PPP6R2: variants seen among roughly 807,000 people sequenced by gnomAD.
The protein encoded by PPP6R2 is protein phosphatase 6 regulatory subunit 2, also known as serine/threonine-protein phosphatase 6 regulatory subunit 2.
In PPP6R2, 62 loss-of-function variants were observed where a neutral mutation model predicts 100.2. The observed-to-expected ratio is 0.62, with a 90% CI of 0.50 to 0.76. PPP6R2 has a LOEUF of 0.76. Ranked by LOEUF, PPP6R2 falls within the 30% of genes least tolerant of loss-of-function variation. PPP6R2 has a pLI of 0.00. For synonymous variants in PPP6R2, 525 were observed against 514.7 expected (o/e 1.02, Z -0.27); for missense variants, 1,142 against 1,276.3 (o/e 0.89, Z 1.60).
In PPP6R2 at chr22:50,440,949, G is replaced by C. The variant is rs143540978; in HGVS notation, c.2502G>C (p.Met834Ile). The change falls in exon 22 of 24, where the codon ATG (methionine) becomes ATC (isoleucine). Residue 834 changes from methionine (M) to isoleucine (I), a missense_variant. Met to Ile is a conservative substitution (Grantham distance 10). This residue lies in a region of PPP6R2 where 550 missense variants were observed against 517.4 expected (regional missense o/e 1.06). Coordinates refer to ENST00000612753, the MANE Select transcript of PPP6R2 (RefSeq NM_001242898.2). ...EDGDQKAASA[M>I]DAVSRGPGRE... ...GCGACCAGAAGGCAGCGAGTGCCATGGATGCGGTGAGCAGGGGTCCCGGCC... is the reference window on the plus strand; with the variant it reads ...GCGACCAGAAGGCAGCGAGTGCCATCGATGCGGTGAGCAGGGGTCCCGGCC... 1.6e-4 allele frequency: 252 copies of C among 1,613,468 alleles called. 1 individual carries two copies. The African/African-American group carries it at 2.9e-3, about 19-fold the overall frequency.
At chr22:50,441,212 C>T (rs374626952) in intron 22 of PPP6R2, 186 bp downstream of exon 22, 48 of 590,930 alleles carry the variant, frequency 8.1e-5, no homozygotes, top group East Asian at 3.9e-4. Flanking sequence ...CACGCGTTTA[C>T]GTGGAGGCCA....
intron 2 of PPP6R2, among the ~76,000 whole-genome samples, chr22:50,377,047 G>T (rs1371715092): frequency 1.3e-5 from 2 of 152,014 alleles, no homozygotes; most frequent in East Asian, 1.9e-4. Flanking sequence ...AAAATAAAAA[G>T]AAATAAATAT....
chr22:50,331,845 C>A, the PPP6R2 span, among the ~76,000 whole-genome samples: 1 of 152,204 alleles, frequency 6.6e-6, no homozygotes, highest in Admixed American at 6.5e-5. Context: ...TGGTCTTGAA[C>A]TCCTGACCTT....
At chr22:50,428,905 A>G (rs1483472334) in intron 10 of PPP6R2, among the ~76,000 whole-genome samples, 1 of 152,212 alleles carries the variant, frequency 6.6e-6, no homozygotes, top group Non-Finnish European at 1.5e-5. Context: ...TCCTGATCTT[A>G]GAGAAGCTTT....
intron 1 of PPP6R2, among the ~76,000 whole-genome samples, chr22:50,354,150 C>A (rs151139695): frequency 6.6e-6 from 1 of 151,646 alleles, no homozygotes; most frequent in Non-Finnish European, 1.5e-5. Context: ...ACTAAAAATA[C>A]AAAAATTAGC....
At chr22:50,331,450 A>G in the PPP6R2 span, among the ~76,000 whole-genome samples, 1 of 151,580 alleles carries the variant, frequency 6.6e-6, no homozygotes, top group African/African-American at 2.4e-5. Flanking sequence ...ATCCTCCCCA[A>G]CGCTTAGTAT....
Position 50,370,074 on chromosome 22 carries a change from A to C in PPP6R2, c.-147-1946A>C, listed in dbSNP as rs546166255. Among the ~76,000 whole-genome samples the C allele has an allele frequency of 3.9e-5, 6 of 151,910 alleles. No homozygotes were observed. In the South Asian group the frequency reaches 1.2e-3, roughly 32 times the overall value. On this transcript the variant is annotated intron_variant, in intron 1 of 23. Transcript: ENST00000612753. ...TTTTTGATTTGTATATAAAATGTAA[A>C]AATATGCAAAAGTAGAGAAAACATA...
At chr22:50,397,623 G>C (rs1352315558) in intron 3 of PPP6R2, among the ~76,000 whole-genome samples, 44 of 127,314 alleles carry the variant, frequency 3.5e-4, no homozygotes, top group African/African-American at 7.4e-4. Flanking sequence ...GGGCAGGGGG[G>C]CCTGTCCTCA....
chr22:50,439,917 C>CT, intron 20 of PPP6R2, 44 bp from the exon 21 acceptor site: 1 of 1,607,578 alleles, frequency 6.2e-7, no homozygotes, highest in East Asian at 2.2e-5. Context: ...GGCCAGGAGG[C>CT]ACCTGTCCCC....
chr22:50,426,248 C>A (rs2062110251), intron 10 of PPP6R2, among the ~76,000 whole-genome samples: 1 of 152,192 alleles, frequency 6.6e-6, no homozygotes, highest in South Asian at 2.1e-4. Flanking sequence ...CCACCAGCCA[C>A]CCAGCCTTTA....
chr22:50,418,718 T>A (rs2060890512), intron 6 of PPP6R2, 149 bp from the exon 7 acceptor site: 3 of 608,420 alleles, frequency 4.9e-6, no homozygotes. Context: ...AAAGAAAAAG[T>A]ATTTGAACAT....
In PPP6R2 at chr22:50,418,908, G is replaced by T. The variant is rs920219022; in HGVS notation, c.660G>T (p.Arg220Ser). 2.5e-6 allele frequency: 4 copies of T among 1,613,826 alleles called. No homozygotes were observed. The highest frequency in any genetic ancestry group is 3.3e-5 in the Admixed American group (2 of 59,974). Residue 220 changes from arginine (R) to serine (S), a missense_variant, in exon 7 of 24, where the codon AGG (arginine) becomes AGT (serine). Arg to Ser is a moderately radical substitution (Grantham distance 110). This residue lies in a region of PPP6R2 where 592 missense variants were observed against 758.9 expected (regional missense o/e 0.78). Coordinates refer to ENST00000612753, the MANE Select transcript of PPP6R2 (RefSeq NM_001242898.2). ...NASQTLCDIVRLGRDQGSQLQ... is the reference protein window; with the variant it reads ...NASQTLCDIVSLGRDQGSQLQ... ...CTCAGACTCTCTGTGACATAGTTAG[G>T]CTGGGCAGAGACCAGGGCAGTCAGC...
At chr22:50,356,245 C>T (rs940330922) in intron 1 of PPP6R2, among the ~76,000 whole-genome samples, 20 of 151,380 alleles carry the variant, frequency 1.3e-4, no homozygotes, top group African/African-American at 4.4e-4. Flanking sequence ...ATTACAGGTG[C>T]GAGCCACCAC....
Position 50,380,938 on chromosome 22 carries a change from G to T in PPP6R2, c.-17+8788G>T, listed in dbSNP as rs538875203. 5.8e-4 allele frequency among the ~76,000 whole-genome samples: 86 copies of T among 147,276 alleles called. 2 individuals carry two copies. In the South Asian group the frequency reaches 0.018, roughly 31 times the overall value. On this transcript the variant is annotated intron_variant, in intron 2 of 23. Transcript: ENST00000612753. ...CAGGAGGCGGAGCTTGCAGTGAGCC[G>T]AGATTACGCCACTGCACTCCAGCCT...
At chr22:50,368,420 T>TGAAG (rs1197963334) in intron 1 of PPP6R2, among the ~76,000 whole-genome samples, 2 of 152,218 alleles carry the variant, frequency 1.3e-5, no homozygotes, top group Non-Finnish European at 2.9e-5. Flanking sequence ...CACTCTTGTC[T>TGAAG]TCTGGTCACT....
Position 50,441,221 on chromosome 22 carries a change from C to T in PPP6R2, c.2579+195C>T, listed in dbSNP as rs769412355. ...GGTGCCCACGCGTTTACGTGGAGGC[C>T]AGATGGGAGAAGTGTGGGGCCTTCT... On this transcript the variant is annotated intron_variant, in intron 22 of 23. Transcript: ENST00000612753. 52 of 584,024 alleles carry T rather than the reference C, an allele frequency of 8.9e-5. No homozygotes were observed. In the East Asian group the frequency reaches 1.1e-3, roughly 13 times the overall value. The allele number at this position is 584,024 out of a possible 1,614,324, so 36.2% of individuals were successfully genotyped here.
At position 50,422,326 on chromosome 22, in the gene PPP6R2, C is replaced by A. The variant is rs565668563; in HGVS notation, c.918C>A (p.His306Gln). Residue 306 changes from histidine (H) to glutamine (Q), a missense_variant, in exon 9 of 24, where the codon CAC becomes CAA. Physicochemically the swap from His to Gln is conservative, Grantham distance 24. Coordinates refer to ENST00000612753, the MANE Select transcript of PPP6R2 (RefSeq NM_001242898.2). ...RSYAVSSSVL[H>Q]GIEPRLKDFH... ...ACGCTGTCAGCAGCAGCGTACTACA[C>A]GGCATCGAGCCTCGGCTGAAGGACT... 3 of 1,614,104 alleles carry A rather than the reference C, an allele frequency of 1.9e-6. No homozygotes were observed. In the East Asian group the frequency reaches 6.7e-5, roughly 36 times the overall value.
upstream of PPP6R2, among the ~76,000 whole-genome samples, chr22:50,338,323 T>C (rs1465187074): frequency 1.4e-5 from 2 of 141,176 alleles, no homozygotes; most frequent in Admixed American, 1.4e-4. Context: ...TGGTGTGTGG[T>C]GTGTGTGTGG....
Position 50,437,915 on chromosome 22 carries a change from C to T in PPP6R2, c.1839+15C>T. ...ACGAGGACAGTGTGAGCAAGCCGGG[C>T]TGTGTGGGGTGCCGCCACCCTTTTC... On this transcript the variant is annotated intron_variant, in intron 17 of 23. Transcript: ENST00000612753. The T allele has an allele frequency of 5.1e-6, 8 of 1,559,738 alleles. No individual in the cohort carries two copies. The highest frequency in any genetic ancestry group is 6.1e-6 in the Non-Finnish European group (7 of 1,152,068).
Sources: gnomAD v4.1 joint callset for allele counts (sites outside exome capture counted in the v4.1 genomes callset) on GRCh38, gnomAD v4.1.1 for gene constraint, gnomAD v4.1.1 regional missense constraint, MANE v1.5 for transcripts, NCBI Gene and HGNC (gene_info 2026-07-23, HGNC 2026-07-21) for gene names.